Variants in PHLPP1 observed in about 807,000 individuals in gnomAD.
PHLPP1 encodes the protein PH domain and leucine rich repeat protein phosphatase 1, also known as PH domain leucine-rich repeat-containing protein phosphatase 1.
In PHLPP1, 42 loss-of-function variants were observed where a neutral mutation model predicts 117.2. The ratio of observed to expected loss-of-function variants is 0.36; its 90% CI spans 0.28 to 0.46. The LOEUF is 0.46. Among genes scored for constraint, PHLPP1 ranks in the 20% least tolerant of loss-of-function variants. The pLI is 1.00. For missense variants in PHLPP1, 2,084 were observed against 2,241.9 expected, an observed-to-expected ratio of 0.93 and a Z score of 1.42; for synonymous variants, 1,042 against 970.7, an observed-to-expected ratio of 1.07 and a Z score of -1.37.
intron 3 of PHLPP1, among the ~76,000 whole-genome samples, chr18:62,843,833 C>T (rs757726858): frequency 6.6e-6 from 1 of 152,130 alleles, no homozygotes; most frequent in Admixed American, 6.6e-5. Flanking sequence ...ATAACAAGAA[C>T]GTGCAGAAGA....
chr18:62,759,906 A>C (rs919405775), intron 1 of PHLPP1, among the ~76,000 whole-genome samples: 31 of 152,228 alleles, frequency 2.0e-4, no homozygotes, highest in African/African-American at 7.0e-4. Flanking sequence ...TGAAATATAT[A>C]GTTAGTGACT....
intron 4 of PHLPP1, among the ~76,000 whole-genome samples, chr18:62,867,400 A>G (rs1175023040): frequency 6.6e-6 from 1 of 152,152 alleles, no homozygotes; most frequent in Non-Finnish European, 1.5e-5. Flanking sequence ...CTCTCAATAT[A>G]TAGGTGTTAA....
intron 4 of PHLPP1, among the ~76,000 whole-genome samples, chr18:62,891,888 C>CAAAA (rs574107579): frequency 1.4e-3 from 109 of 79,022 alleles, no homozygotes; most frequent in Middle Eastern, 8.2e-3. Flanking sequence ...GACCCTTTCT[C>CAAAA]AAAAAAAAAA....
At chr18:62,819,477 G>A (rs1248149652) in intron 1 of PHLPP1, among the ~76,000 whole-genome samples, 1 of 151,996 alleles carries the variant, frequency 6.6e-6, no homozygotes, top group Non-Finnish European at 1.5e-5. Context: ...AAGAACAGAT[G>A]GGATAAGTAG....
intron 12 of PHLPP1, 38 bp from the exon 13 acceptor site, chr18:62,958,591 G>T: frequency 1.2e-6 from 2 of 1,611,204 alleles, no homozygotes; most frequent in South Asian, 2.2e-5. Flanking sequence ...AGCTTCTCTA[G>T]ACCATCTCTT....
intron 1 of PHLPP1, among the ~76,000 whole-genome samples, chr18:62,727,950 A>C (rs920054239): frequency 6.6e-6 from 1 of 151,996 alleles, no homozygotes; most frequent in Non-Finnish European, 1.5e-5. Context: ...CTGGAATATA[A>C]AATATTGCTT....
intron 10 of PHLPP1, among the ~76,000 whole-genome samples, chr18:62,920,921 A>G (rs1263806078): frequency 1.3e-5 from 2 of 152,204 alleles, no homozygotes; most frequent in East Asian, 3.8e-4. Context: ...ATTCAATTCA[A>G]TTATTTTGTT....
At chr18:62,975,074 G>A (rs1244441197) in intron 15 of PHLPP1, among the ~76,000 whole-genome samples, 5 of 152,182 alleles carry the variant, frequency 3.3e-5, no homozygotes, top group African/African-American at 1.2e-4. Flanking sequence ...TGTGCTGATA[G>A]GGCAGTGTGG....
chr18:62,850,479 G>GT (rs1186603815), intron 3 of PHLPP1, among the ~76,000 whole-genome samples: 7 of 152,138 alleles, frequency 4.6e-5, no homozygotes, highest in Non-Finnish European at 1.5e-5. Context: ...AAGCTAGAGT[G>GT]TAAGTTTTTT....
chr18:62,942,751 C>T (rs1912244848), intron 11 of PHLPP1, among the ~76,000 whole-genome samples: 1 of 152,070 alleles, frequency 6.6e-6, no homozygotes, highest in Admixed American at 6.6e-5. Flanking sequence ...CTTCTGGTTT[C>T]TGCTTGGTAA....
chr18:62,917,714 T>C (rs375242397), intron 9 of PHLPP1, among the ~76,000 whole-genome samples: 2 of 151,314 alleles, frequency 1.3e-5, no homozygotes, highest in Admixed American at 1.3e-4. Context: ...TTGGAAGGCT[T>C]GAGGCAGGAG....
At chr18:62,822,572 C>T (rs1246855066) in intron 1 of PHLPP1, among the ~76,000 whole-genome samples, 1 of 152,136 alleles carries the variant, frequency 6.6e-6, no homozygotes, top group African/African-American at 2.4e-5. Flanking sequence ...GCGTGAGCCA[C>T]TGCGCCTGGC....
chr18:62,951,669 T>A (rs1010521172), intron 12 of PHLPP1, among the ~76,000 whole-genome samples: 1 of 152,110 alleles, frequency 6.6e-6, no homozygotes. Context: ...TTCTACTTTT[T>A]ATCATTTCTC....
intron 1 of PHLPP1, among the ~76,000 whole-genome samples, chr18:62,753,961 A>G (rs1911935604): frequency 6.6e-6 from 1 of 152,054 alleles, no homozygotes; most frequent in Admixed American, 6.5e-5. Flanking sequence ...TATTTTCTTG[A>G]GCTGTCACCT....
chr18:62,741,856 G>A (rs1256197030), intron 1 of PHLPP1, among the ~76,000 whole-genome samples: 1 of 151,738 alleles, frequency 6.6e-6, no homozygotes, highest in Non-Finnish European at 1.5e-5. Context: ...TAAGGACTTA[G>A]AGGGAGGACC....
chr18:62,954,460 G>T (rs1483625344), intron 12 of PHLPP1, among the ~76,000 whole-genome samples: 1 of 152,118 alleles, frequency 6.6e-6, no homozygotes, highest in Non-Finnish European at 1.5e-5. Context: ...TAACCATTAT[G>T]ATTCAGCCAA....
chr18:62,776,567 C>G (rs946425190), intron 1 of PHLPP1, among the ~76,000 whole-genome samples: 1 of 151,928 alleles, frequency 6.6e-6, no homozygotes, highest in Non-Finnish European at 1.5e-5. Flanking sequence ...TTGAGATTCA[C>G]CCATGTTGTA....
chr18:62,903,739 C>T (rs1017537469), intron 7 of PHLPP1, among the ~76,000 whole-genome samples: 10 of 148,820 alleles, frequency 6.7e-5, no homozygotes, highest in Non-Finnish European at 1.2e-4. Flanking sequence ...TACTGCACTC[C>T]AGCCTGGTTG....
chr18:62,816,694 G>A (rs1343922649), intron 1 of PHLPP1, among the ~76,000 whole-genome samples: 1 of 149,736 alleles, frequency 6.7e-6, no homozygotes, highest in Non-Finnish European at 1.5e-5. Context: ...GTTGTAGTTT[G>A]TTTTAGTTTT....
Sources: gnomAD v4.1 joint callset for allele counts (sites outside exome capture counted in the v4.1 genomes callset) on GRCh38, gnomAD v4.1.1 for gene constraint, MANE v1.5 for transcripts, NCBI Gene and HGNC (gene_info 2026-07-23, HGNC 2026-07-21) for gene names.